Variants in MECR observed in about 807,000 individuals in gnomAD.
The protein encoded by MECR is enoyl-[acyl-carrier-protein] reductase, mitochondrial.
MECR carries 37 observed loss-of-function variants against 49.1 expected under a neutral mutation model. That is an observed-to-expected ratio of 0.75 (90% CI 0.58 to 0.99). The LOEUF (loss-of-function observed/expected upper bound fraction) is 0.99, where lower values mean the gene tolerates loss of function less well. MECR is among the 50% of genes least tolerant of loss of function. The pLI, the probability that MECR is intolerant of heterozygous loss-of-function variation, is 0.00. For missense variants in MECR, 470 were observed against 479.6 expected, an observed-to-expected ratio of 0.98 and a Z score of 0.19; for synonymous variants, 198 against 191.1, an observed-to-expected ratio of 1.04 and a Z score of -0.30.
the MECR span, among the ~76,000 whole-genome samples, chr1:29,178,781 A>G: frequency 2.6e-5 from 4 of 152,084 alleles, no homozygotes; most frequent in African/African-American, 4.8e-5. Flanking sequence ...TTTTGTACTC[A>G]CTCCTTCCTT....
chr1:29,210,200 G>T (rs1289885067), intron 3 of MECR, among the ~76,000 whole-genome samples: 1 of 152,104 alleles, frequency 6.6e-6, no homozygotes, highest in Non-Finnish European at 1.5e-5. Flanking sequence ...TTTTAGTAGA[G>T]ATGGGGTTTC....
intron 3 of MECR, among the ~76,000 whole-genome samples, chr1:29,208,747 G>C (rs948255318): frequency 9.9e-5 from 15 of 152,156 alleles, no homozygotes; most frequent in African/African-American, 3.6e-4. Context: ...TTGCACCCAG[G>C]CACTTGAACA....
At chr1:29,228,977 A>G (rs1434898196) in intron 1 of MECR, 1 of 152,180 alleles carries the variant, frequency 6.6e-6, no homozygotes, top group Non-Finnish European at 1.5e-5. Flanking sequence ...GAAATGGAGG[A>G]GTGTTCATCA....
At chr1:29,175,969 G>A in the MECR span, among the ~76,000 whole-genome samples, 1 of 151,466 alleles carries the variant, frequency 6.6e-6, no homozygotes, top group Non-Finnish European at 1.5e-5. Flanking sequence ...AAACAAAAAG[G>A]TGGCCGGGCA....
At chr1:29,226,460 A>T (rs1226240768) in intron 1 of MECR, among the ~76,000 whole-genome samples, 1 of 152,182 alleles carries the variant, frequency 6.6e-6, no homozygotes, top group Non-Finnish European at 1.5e-5. Flanking sequence ...TTTATAGTCC[A>T]TCTCATTCTC....
At chr1:29,167,880 T>C in the MECR span, among the ~76,000 whole-genome samples, 2 of 152,164 alleles carry the variant, frequency 1.3e-5, no homozygotes, top group Non-Finnish European at 2.9e-5. Flanking sequence ...TTCTTCTCAT[T>C]TTACAATGAG....
At chr1:29,209,183 G>A (rs764108074) in intron 3 of MECR, among the ~76,000 whole-genome samples, 3 of 152,044 alleles carry the variant, frequency 2.0e-5, no homozygotes, top group Admixed American at 2.0e-4. Flanking sequence ...ATGAATGTAC[G>A]TGTAACACAA....
chr1:29,170,659 T>C, the MECR span: 1 of 152,254 alleles, frequency 6.6e-6, no homozygotes, highest in South Asian at 2.1e-4. Context: ...TCTTTTAAAA[T>C]GGATGGATCA....
intron 1 of MECR, among the ~76,000 whole-genome samples, chr1:29,228,248 A>G (rs1682600152): frequency 6.6e-6 from 1 of 151,764 alleles, no homozygotes; most frequent in Non-Finnish European, 1.5e-5. Flanking sequence ...TATATAAAAT[A>G]AAAGCTGTCT....
intron 1 of MECR, among the ~76,000 whole-genome samples, chr1:29,225,170 T>C (rs1244338916): frequency 2.0e-5 from 3 of 152,242 alleles, no homozygotes; most frequent in Non-Finnish European, 4.4e-5. Context: ...GCTTGAGCCC[T>C]GTGATCTAAG....
Position 29,230,741 on chromosome 1 carries a change from T to C in MECR, c.166A>G (p.Lys56Glu). ...LVYGHHGDPAKVVELKNLELA... is the reference protein window; with the variant it reads ...LVYGHHGDPAEVVELKNLELA... ...GGCGCCGTCTCTTACTCGACGACCT[T>C]GGCTGGATCCCCGTGGTGCCCATAG... The change falls in exon 1 of 10, where the codon AAG becomes GAG. Residue 56 changes from lysine to glutamate, a missense_variant. Transcript: ENST00000263702. The C allele has an allele frequency of 1.9e-6, 3 of 1,582,292 alleles. No homozygotes were observed. Among genetic ancestry groups the C allele is most frequent in the Non-Finnish European group, 1.7e-6 (2 of 1,164,210 alleles).
At chr1:29,176,496 A>G in the MECR span, among the ~76,000 whole-genome samples, 2 of 151,894 alleles carry the variant, frequency 1.3e-5, no homozygotes, top group Non-Finnish European at 2.9e-5. Context: ...CTTTAAAAAA[A>G]AAAAAAAGAA....
At chr1:29,223,229 A>C (rs1324585058) in intron 1 of MECR, 1 of 985,330 alleles carries the variant, frequency 1.0e-6, no homozygotes. Context: ...GGATAAGGTC[A>C]CAATGGCTCC....
the MECR span, chr1:29,181,865 G>A: frequency 1.9e-5 from 16 of 841,766 alleles, no homozygotes; most frequent in Non-Finnish European, 2.5e-5. Context: ...CGGCGGGACG[G>A]ACGCAGCCGA....
At chr1:29,173,422 G>A in the MECR span, 6 of 147,628 alleles carry the variant, frequency 4.1e-5, no homozygotes, top group East Asian at 6.0e-4. Flanking sequence ...GGGATTACAG[G>A]TGTGAGCCAC....
At chr1:29,200,171 T>C (rs1674973274) in intron 7 of MECR, among the ~76,000 whole-genome samples, 2 of 152,224 alleles carry the variant, frequency 1.3e-5, no homozygotes, top group Admixed American at 1.3e-4. Flanking sequence ...TAAAAGCTAA[T>C]ACAAATTTTG....
chr1:29,224,219 T>G (rs1475112114), intron 1 of MECR: 1 of 152,152 alleles, frequency 6.6e-6, no homozygotes, highest in Non-Finnish European at 1.5e-5. Context: ...GACCAACTCT[T>G]GGGGGCACAG....
the MECR span, among the ~76,000 whole-genome samples, chr1:29,179,535 A>AT: frequency 6.6e-5 from 10 of 152,052 alleles, no homozygotes; most frequent in South Asian, 2.1e-3. Flanking sequence ...AATTAAAAAA[A>AT]TTTTTTTCTT....
chr1:29,225,749 C>T (rs1173822006), intron 1 of MECR, among the ~76,000 whole-genome samples: 6 of 152,178 alleles, frequency 3.9e-5, no homozygotes, highest in Non-Finnish European at 8.8e-5. Flanking sequence ...AAAATCAAGT[C>T]ACCTGCAGTT....
Sources: allele counts gnomAD v4.1 joint callset (sites outside exome capture counted in the v4.1 genomes callset), GRCh38; gene constraint gnomAD v4.1.1; transcripts MANE v1.5; gene names NCBI Gene and HGNC (gene_info 2026-07-23, HGNC 2026-07-21).